XKRX: variants seen among roughly 807,000 people sequenced by gnomAD.
The protein encoded by XKRX is XK-related protein 2.
In XKRX, 11 loss-of-function variants were observed where a neutral mutation model predicts 22.4. The ratio of observed to expected loss-of-function variants is 0.49; its 90% CI spans 0.31 to 0.81. The LOEUF (loss-of-function observed/expected upper bound fraction) is 0.81. XKRX is among the 40% of genes least tolerant of loss of function. The probability of loss-of-function intolerance (pLI) is 0.05; values close to 1 mark genes in which losing one functional copy is unlikely to be tolerated. For missense variants in XKRX, 320 were observed against 336.5 expected (o/e 0.95, Z 0.38); for synonymous variants, 114 against 132.2 (o/e 0.86, Z 0.94).
At chrX:100,906,886 T>C in the XKRX span, among the ~76,000 whole-genome samples, 17 of 111,711 alleles carry the variant, frequency 1.5e-4, no homozygotes, top group African/African-American at 4.6e-4. Flanking sequence ...ACCAACAGCA[T>C]AGCATCCTCA....
chrX:100,888,308 T>C, the XKRX span: 4 of 697,949 alleles, frequency 5.7e-6, no homozygotes, highest in African/African-American at 2.1e-5. Flanking sequence ...TGATCTTTGA[T>C]AATCTTCTCT....
the XKRX span, among the ~76,000 whole-genome samples, chrX:100,943,083 T>A: frequency 9.0e-6 from 1 of 111,623 alleles, no homozygotes; most frequent in Non-Finnish European, 1.9e-5. Context: ...AACTGGCTTC[T>A]CATCCTAGTT....
chrX:100,918,547 C>G (rs2085456432), intron 2 of XKRX, among the ~76,000 whole-genome samples: 1 of 111,810 alleles, frequency 8.9e-6, no homozygotes, highest in Non-Finnish European at 1.9e-5. Flanking sequence ...CATAAGAGAA[C>G]AAAATACACA....
chrX:100,900,819 T>C, the XKRX span, among the ~76,000 whole-genome samples: 1 of 99,282 alleles, frequency 1.0e-5, no homozygotes, highest in African/African-American at 3.7e-5. Context: ...AGACAGAGTC[T>C]TGTTCTGTCG....
the XKRX span, among the ~76,000 whole-genome samples, chrX:100,894,134 G>A: frequency 9.0e-6 from 1 of 111,360 alleles, no homozygotes; most frequent in African/African-American, 3.3e-5. Context: ...TAGCATGGTG[G>A]CGCATGCCTG....
At chrX:100,894,197 G>C in the XKRX span, among the ~76,000 whole-genome samples, 1 of 111,583 alleles carries the variant, frequency 9.0e-6, no homozygotes, top group Non-Finnish European at 1.9e-5. Flanking sequence ...AACCCGGCAG[G>C]GGGAGGTTGT....
At chrX:100,900,946 C>A in the XKRX span, among the ~76,000 whole-genome samples, 2 of 108,777 alleles carry the variant, frequency 1.8e-5, no homozygotes, top group Admixed American at 9.9e-5. Flanking sequence ...CCCACCACCA[C>A]GCCTGGCTAA....
chrX:100,899,955 C>G, the XKRX span, among the ~76,000 whole-genome samples: 5 of 112,061 alleles, frequency 4.5e-5, no homozygotes, highest in African/African-American at 1.6e-4. Context: ...CAATCCCTAT[C>G]AAAATCTCAG....
Position 100,924,580 on chromosome X carries a change from C to T in XKRX, c.336-1519G>A, listed in dbSNP as rs192818529. Among the ~76,000 whole-genome samples the T allele has an allele frequency of 2.5e-4, 28 of 111,598 alleles. No homozygotes were observed. The Admixed American group carries it at 2.7e-3, about 11-fold the overall frequency. On this transcript the variant is annotated intron_variant, in intron 1 of 2. Transcript: ENST00000372956. ...TGGAACACCTGAGTTACCACTTCGC[C>T]ACTCACCTTTAATGAATAAAAACTG...
chrX:100,919,264 G>A (rs2085460150), intron 2 of XKRX, among the ~76,000 whole-genome samples: 1 of 111,661 alleles, frequency 9.0e-6, no homozygotes, highest in East Asian at 2.8e-4. Context: ...CTACTTAAAA[G>A]ATTGGGGAAA....
the XKRX span, among the ~76,000 whole-genome samples, chrX:100,942,548 A>G: frequency 8.9e-6 from 1 of 111,796 alleles, no homozygotes; most frequent in Non-Finnish European, 1.9e-5. Flanking sequence ...ACTGCCTTTC[A>G]TTTTCCAGAA....
chrX:100,923,233 CT>C (rs2085482583), intron 1 of XKRX, among the ~76,000 whole-genome samples, 172 bp from the exon 2 acceptor site: 1 of 112,229 alleles, frequency 8.9e-6, no homozygotes, highest in Non-Finnish European at 1.9e-5. Context: ...TTCATTGCAG[CT>C]TTGACCTCCT....
chrX:100,929,774 T>C (rs1347102857), upstream of XKRX, among the ~76,000 whole-genome samples: 1 of 111,499 alleles, frequency 9.0e-6, no homozygotes, highest in Non-Finnish European at 1.9e-5. Context: ...TACAGGTCTT[T>C]GGTTGAAAGG....
rs764426426 is a variant in XKRX, at chrX:100,914,782, G to A, written c.906C>T (p.Asn302=). 1.9e-5 allele frequency: 23 copies of A among 1,209,816 alleles called. No homozygotes were observed. The South Asian group carries it at 3.7e-4, about 19-fold the overall frequency. The change falls in exon 3 of 3, where the codon AAC becomes AAT. Residue 302 remains asparagine (N), a synonymous_variant. Transcript: ENST00000372956. ...CCACCAGAGTGCCGACCCGGCTGAA[G>A]TTTTTCTCAATGTTATTGGGCATCT... ...GAQMPNNIEK[N]FSRVGTLVVL...
the XKRX span, among the ~76,000 whole-genome samples, chrX:100,956,288 C>T: frequency 4.1e-4 from 46 of 111,512 alleles, no homozygotes; most frequent in South Asian, 1.9e-3. Context: ...ATCTGTGCAG[C>T]AAATCACCAT....
downstream of XKRX, among the ~76,000 whole-genome samples, chrX:100,908,468 T>C (rs1047541055): frequency 2.7e-5 from 3 of 111,385 alleles, no homozygotes; most frequent in African/African-American, 9.8e-5. Context: ...CAGGTTGGCC[T>C]CACTACTTGC....
downstream of XKRX, chrX:100,910,723 G>A (rs1416100608): frequency 1.6e-6 from 1 of 623,583 alleles, no homozygotes. Context: ...GCCACAGAAC[G>A]AATATATTGA....
chrX:100,949,367 T>G, the XKRX span, among the ~76,000 whole-genome samples: 2 of 95,321 alleles, frequency 2.1e-5, no homozygotes, highest in Non-Finnish European at 4.0e-5. Flanking sequence ...TTTGGTTGTT[T>G]TTTTTTTTTT....
intron 1 of XKRX, among the ~76,000 whole-genome samples, chrX:100,923,837 C>CTTTTTTTTT (rs745938618): frequency 1.1e-5 from 1 of 88,148 alleles, no homozygotes; most frequent in Non-Finnish European, 2.2e-5. Context: ...TTCTTTCTTT[C>CTTTTTTTTT]TTTTTTTTTT....
Sources: allele counts gnomAD v4.1 joint callset (sites outside exome capture counted in the v4.1 genomes callset), GRCh38; gene constraint gnomAD v4.1.1; transcripts MANE v1.5; gene names NCBI Gene and HGNC (gene_info 2026-07-23, HGNC 2026-07-21).